Variants in ASIC2 observed in about 807,000 individuals in gnomAD.
ASIC2 encodes acid-sensing ion channel 2.
A neutral mutation model predicts 57.3 loss-of-function variants in ASIC2; 25 were observed. The ratio of observed to expected loss-of-function variants is 0.44; its 90% CI spans 0.32 to 0.61. The LOEUF is 0.61. Ranked by LOEUF, ASIC2 falls within the 20% of genes least tolerant of loss-of-function variation. The pLI is 0.06. For synonymous variants in ASIC2, 319 were observed against 307.5 expected (o/e 1.04, Z -0.39); for missense variants, 641 against 738.1 (o/e 0.87, Z 1.52).
chr17:33,846,282 AC>A (rs1913597326), intron 1 of ASIC2, among the ~76,000 whole-genome samples: 1 of 152,106 alleles, frequency 6.6e-6, no homozygotes, highest in African/African-American at 2.4e-5. Context: ...CTGACAGTAA[AC>A]AACAGCCAAG....
intron 1 of ASIC2, among the ~76,000 whole-genome samples, chr17:33,698,373 A>G (rs2142067768): frequency 6.6e-6 from 1 of 152,328 alleles, no homozygotes; most frequent in African/African-American, 2.4e-5. Flanking sequence ...AACTGAATTC[A>G]TGAATTCATG....
intron 1 of ASIC2, among the ~76,000 whole-genome samples, chr17:33,648,844 T>C (rs1183755742): frequency 6.6e-6 from 1 of 152,244 alleles, no homozygotes; most frequent in African/African-American, 2.4e-5. Flanking sequence ...TATAAAACTG[T>C]ATTGTTAAAA....
intron 1 of ASIC2, among the ~76,000 whole-genome samples, chr17:33,921,743 C>T (rs919692642): frequency 6.6e-6 from 1 of 152,136 alleles, no homozygotes; most frequent in African/African-American, 2.4e-5. Context: ...TGGGGAGTTA[C>T]GACCACAGTG....
chr17:33,605,295 C>G (rs997542805), intron 1 of ASIC2, among the ~76,000 whole-genome samples: 1 of 152,264 alleles, frequency 6.6e-6, no homozygotes, highest in Admixed American at 6.5e-5. Flanking sequence ...CCCGTCTCAT[C>G]TCTGAGAATG....
chr17:33,442,516 T>C (rs1911860790), intron 1 of ASIC2, among the ~76,000 whole-genome samples: 1 of 152,230 alleles, frequency 6.6e-6, no homozygotes. Flanking sequence ...TTACTCTTTT[T>C]GATGACATCA....
intron 1 of ASIC2, among the ~76,000 whole-genome samples, chr17:34,012,309 G>A (rs758942669): frequency 3.9e-5 from 6 of 152,154 alleles, no homozygotes; most frequent in Non-Finnish European, 7.3e-5. Flanking sequence ...CCTGTCTGAA[G>A]GATGCAGTCC....
At chr17:33,454,832 G>A (rs1053142053) in intron 1 of ASIC2, among the ~76,000 whole-genome samples, 4 of 152,146 alleles carry the variant, frequency 2.6e-5, no homozygotes, top group Non-Finnish European at 5.9e-5. Context: ...AGGAACAGAG[G>A]GGCAAAAGCA....
chr17:33,869,416 A>T (rs965034709), intron 1 of ASIC2, among the ~76,000 whole-genome samples: 2 of 152,238 alleles, frequency 1.3e-5, no homozygotes, highest in Admixed American at 6.5e-5. Context: ...ATAAAAACAC[A>T]TGCCTACATA....
intron 1 of ASIC2, among the ~76,000 whole-genome samples, chr17:33,589,142 A>G (rs1904744301): frequency 6.6e-6 from 1 of 152,224 alleles, no homozygotes; most frequent in African/African-American, 2.4e-5. Flanking sequence ...GCACTTGGCC[A>G]GAGCCAGAGA....
At chr17:33,408,590 AAC>A (rs762826518) in intron 1 of ASIC2, among the ~76,000 whole-genome samples, 1 of 152,236 alleles carries the variant, frequency 6.6e-6, no homozygotes, top group Non-Finnish European at 1.5e-5. Context: ...GATGCTTGAC[AAC>A]ACACACAATA....
intron 3 of ASIC2, among the ~76,000 whole-genome samples, chr17:33,060,189 G>T (rs931612522): frequency 6.6e-6 from 1 of 152,088 alleles, no homozygotes; most frequent in Non-Finnish European, 1.5e-5. Context: ...GTCAATTTTG[G>T]CTTTTGTAGC....
At chr17:33,541,401 T>G (rs1915406733) in intron 1 of ASIC2, 1 of 152,120 alleles carries the variant, frequency 6.6e-6, no homozygotes, top group Non-Finnish European at 1.5e-5. Context: ...GAGTGGCTGA[T>G]AAATCTGTGG....
chr17:33,830,305 C>T (rs1913063394), intron 1 of ASIC2, among the ~76,000 whole-genome samples: 1 of 152,108 alleles, frequency 6.6e-6, no homozygotes. Context: ...GTAGGGTGGT[C>T]CTCTTTTTCT....
At chr17:34,144,614 C>T (rs1043936935) in intron 1 of ASIC2, among the ~76,000 whole-genome samples, 2 of 152,128 alleles carry the variant, frequency 1.3e-5, no homozygotes, top group Non-Finnish European at 2.9e-5. Flanking sequence ...GCAAACAATC[C>T]TATGGGGTAC....
intron 3 of ASIC2, among the ~76,000 whole-genome samples, chr17:33,056,928 C>T (rs2141934658): frequency 6.6e-6 from 1 of 152,274 alleles, no homozygotes; most frequent in African/African-American, 2.4e-5. Flanking sequence ...CCACATTGTA[C>T]TTTGGTCTCT....
intron 1 of ASIC2, among the ~76,000 whole-genome samples, chr17:34,146,473 G>C (rs1270790432): frequency 2.0e-5 from 3 of 152,166 alleles, no homozygotes; most frequent in African/African-American, 4.8e-5. Flanking sequence ...GAAGGGGAAG[G>C]TAGGGCGGGG....
chr17:34,149,660 T>G (rs1421216699), intron 1 of ASIC2, among the ~76,000 whole-genome samples: 1 of 152,162 alleles, frequency 6.6e-6, no homozygotes, highest in Admixed American at 6.5e-5. Flanking sequence ...AAAAGAAATA[T>G]GCGATTTGTA....
intron 1 of ASIC2, among the ~76,000 whole-genome samples, chr17:33,844,857 T>C (rs1022552573): frequency 2.0e-5 from 3 of 152,226 alleles, no homozygotes; most frequent in African/African-American, 7.2e-5. Context: ...ATATAAATTT[T>C]TTTATTTTTC....
At chr17:33,395,384 A>G (rs1387617216) in intron 1 of ASIC2, among the ~76,000 whole-genome samples, 2 of 152,220 alleles carry the variant, frequency 1.3e-5, no homozygotes, top group South Asian at 2.1e-4. Context: ...AGCAAGTCAC[A>G]TCTTACATGA....
Sources: gnomAD v4.1 joint callset for allele counts (sites outside exome capture counted in the v4.1 genomes callset) on GRCh38, gnomAD v4.1.1 for gene constraint, MANE v1.5 for transcripts, NCBI Gene and HGNC (gene_info 2026-07-23, HGNC 2026-07-21) for gene names.